The following NEGR1 variants were observed in gnomAD, a reference collection of about 807,000 sequenced individuals.
NEGR1 encodes neuronal growth regulator 1, also known as IgLON family member 4.
NEGR1 carries 10 observed loss-of-function variants against 40.9 expected under a neutral mutation model. That is an observed-to-expected ratio of 0.24 (90% CI 0.15 to 0.42). NEGR1 has a LOEUF of 0.42. NEGR1 is among the 10% of genes least tolerant of loss of function. The probability of loss-of-function intolerance (pLI) is 1.00; values close to 1 mark genes in which losing one functional copy is unlikely to be tolerated. For synonymous variants in NEGR1, 185 were observed against 166.8 expected (o/e 1.11, Z -0.84); for missense variants, 352 against 438.9 (o/e 0.80, Z 1.77).
intron 1 of NEGR1, among the ~76,000 whole-genome samples, chr1:71,983,360 G>A (rs181903261): frequency 7.5e-4 from 114 of 152,122 alleles, no homozygotes; most frequent in Non-Finnish European, 1.3e-3. Flanking sequence ...AATGGAAAGC[G>A]CTTATTTCTT....
chr1:71,433,946 T>C (rs1646487440), intron 6 of NEGR1, among the ~76,000 whole-genome samples: 1 of 152,234 alleles, frequency 6.6e-6, no homozygotes, highest in South Asian at 2.1e-4. Context: ...ATACCAATAA[T>C]TGAAGTCACG....
chr1:71,921,703 AATATATATATATATAT>A (rs61614174), intron 2 of NEGR1, among the ~76,000 whole-genome samples: 11 of 134,044 alleles, frequency 8.2e-5, no homozygotes, highest in South Asian at 2.5e-4. Flanking sequence ...ACAGTACAAG[AATATATATATATATAT>A]ATATATATAT....
intron 4 of NEGR1, among the ~76,000 whole-genome samples, chr1:71,667,380 T>C (rs543043516): frequency 3.1e-4 from 47 of 152,266 alleles, no homozygotes; most frequent in Middle Eastern, 6.8e-3. Flanking sequence ...GTCTGTGAAA[T>C]ACACAGAAGC....
rs140747257 is a variant in NEGR1, at chr1:71,456,786, C to T, written c.941-49216G>A. On this transcript the variant is annotated intron_variant, in intron 6 of 6. Transcript: ENST00000357731. ...TACAATTTTGCCATGTATCGCTATA[C>T]AGCTAAGTCAATTTCTTTTTTTGAT... 5.6e-3 allele frequency among the ~76,000 whole-genome samples: 848 copies of T among 152,306 alleles called. 6 individuals are homozygous for T. The highest frequency in any genetic ancestry group is 0.019 in the African/African-American group (807 of 41,570).
Position 71,731,693 on chromosome 1 carries a change from C to T in NEGR1, c.536-33554G>A, listed in dbSNP as rs1654874332. Among the ~76,000 whole-genome samples, 6 of 152,088 alleles carry T rather than the reference C, an allele frequency of 3.9e-5. No individual in the cohort carries two copies. In the South Asian group the frequency reaches 1.2e-3, roughly 32 times the overall value. ...CTGGACTTGCCGAAAGTGATCATTG[C>T]TATTACCTTCCTCTGCAGGAGAAGA... On this transcript the variant is annotated intron_variant, in intron 3 of 6. Coordinates refer to ENST00000357731, the MANE Select transcript of NEGR1 (RefSeq NM_173808.3).
intron 6 of NEGR1, among the ~76,000 whole-genome samples, chr1:71,445,742 A>G (rs573456345): frequency 2.0e-5 from 3 of 152,332 alleles, no homozygotes; most frequent in Admixed American, 2.0e-4. Context: ...CCAGCAAGCA[A>G]TTGGCTTCCT....
intron 4 of NEGR1, among the ~76,000 whole-genome samples, chr1:71,625,417 T>A (rs1018964628): frequency 2.0e-5 from 3 of 151,940 alleles, no homozygotes; most frequent in Non-Finnish European, 2.9e-5. Context: ...AAGCTACAAC[T>A]AAAAACAATA....
chr1:71,558,239 A>G (rs1321459146), intron 6 of NEGR1, among the ~76,000 whole-genome samples: 1 of 151,578 alleles, frequency 6.6e-6, no homozygotes, highest in Admixed American at 6.6e-5. Flanking sequence ...AAGGGATAGG[A>G]ATTAAGCTCC....
At chr1:71,539,716 A>G (rs1647629495) in intron 6 of NEGR1, among the ~76,000 whole-genome samples, 1 of 151,754 alleles carries the variant, frequency 6.6e-6, no homozygotes, top group African/African-American at 2.4e-5. Flanking sequence ...ATATCCTGAG[A>G]CAGTATAAAT....
intron 2 of NEGR1, among the ~76,000 whole-genome samples, chr1:71,820,603 G>T (rs189039499): frequency 2.4e-4 from 36 of 151,996 alleles, no homozygotes; most frequent in African/African-American, 6.0e-4. Flanking sequence ...TTGCGGTTAG[G>T]GTCCATCTTA....
At chr1:72,206,624 G>C (rs1653408104) in intron 1 of NEGR1, among the ~76,000 whole-genome samples, 1 of 151,974 alleles carries the variant, frequency 6.6e-6, no homozygotes, top group South Asian at 2.1e-4. Flanking sequence ...AGACCAAAAA[G>C]GCTGGGTTCT....
At chr1:72,163,634 G>A (rs1478190855) in intron 1 of NEGR1, among the ~76,000 whole-genome samples, 2 of 151,842 alleles carry the variant, frequency 1.3e-5, no homozygotes, top group African/African-American at 4.8e-5. Flanking sequence ...TAGAAGCCAG[G>A]TCAAAACTTC....
Position 72,216,776 on chromosome 1 carries a change from G to A in NEGR1, c.176+65543C>T, listed in dbSNP as rs541447526. On this transcript the variant is annotated intron_variant, in intron 1 of 6. Transcript: ENST00000357731. ...GTTAAATGAAAGGTAATACATTTAG[G>A]GTATTTATAATAGTGTCTAGAACAT... 2.7e-3 allele frequency among the ~76,000 whole-genome samples: 409 copies of A among 150,818 alleles called. 1 individual carries two copies. Among genetic ancestry groups the A allele is most frequent in the Admixed American group, 4.4e-3 (66 of 15,078 alleles).
intron 6 of NEGR1, among the ~76,000 whole-genome samples, chr1:71,415,162 ATCTT>A (rs1292208258): frequency 1.2e-4 from 18 of 151,884 alleles, no homozygotes; most frequent in Admixed American, 1.1e-3. Flanking sequence ...AACAATGTCT[ATCTT>A]CAGGTAGTTC....
At chr1:71,924,523 A>G (rs878956964) in intron 2 of NEGR1, among the ~76,000 whole-genome samples, 2 of 152,224 alleles carry the variant, frequency 1.3e-5, no homozygotes, top group Non-Finnish European at 2.9e-5. Flanking sequence ...TTCATTTAAA[A>G]AAGGGTCCAT....
At chr1:71,588,377 C>T (rs1353510187) in intron 6 of NEGR1, among the ~76,000 whole-genome samples, 6 of 152,100 alleles carry the variant, frequency 3.9e-5, no homozygotes, top group African/African-American at 1.2e-4. Context: ...TTCCTGAGGG[C>T]TAATATACAG....
At chr1:71,659,318 A>G (rs1651979013) in intron 4 of NEGR1, among the ~76,000 whole-genome samples, 1 of 152,186 alleles carries the variant, frequency 6.6e-6, no homozygotes, top group Non-Finnish European at 1.5e-5. Flanking sequence ...GTGAGTACTG[A>G]TGTTGAACTC....
At chr1:71,628,536 G>A (rs757815800) in intron 4 of NEGR1, among the ~76,000 whole-genome samples, 6 of 151,990 alleles carry the variant, frequency 3.9e-5, no homozygotes, top group Admixed American at 3.9e-4. Flanking sequence ...TCTACATTAG[G>A]TATTTCTCCT....
chr1:71,801,690 T>C (rs939594909), intron 2 of NEGR1, among the ~76,000 whole-genome samples: 5 of 152,182 alleles, frequency 3.3e-5, no homozygotes, highest in African/African-American at 1.2e-4. Flanking sequence ...TCTGCTATTG[T>C]CCATGTCCCA....
Sources: allele counts gnomAD v4.1 joint callset (sites outside exome capture counted in the v4.1 genomes callset), GRCh38; gene constraint gnomAD v4.1.1; transcripts MANE v1.5; gene names NCBI Gene and HGNC (gene_info 2026-07-23, HGNC 2026-07-21).